Variants in SIL1 observed in about 807,000 individuals in gnomAD.
SIL1 encodes nucleotide exchange factor SIL1.
A neutral mutation model predicts 49.1 loss-of-function variants in SIL1; 40 were observed. That is an observed-to-expected ratio of 0.81 (90% CI 0.63 to 1.06). The LOEUF (loss-of-function observed/expected upper bound fraction) is 1.06. SIL1 is among the 50% of genes least tolerant of loss of function. The pLI is 0.00. For synonymous variants in SIL1, 253 were observed against 250.8 expected (o/e 1.01, Z -0.08); for missense variants, 500 against 572.6 (o/e 0.87, Z 1.29).
chr5:139,103,953 G>A (rs1770647598), intron 3 of SIL1, among the ~76,000 whole-genome samples: 1 of 152,226 alleles, frequency 6.6e-6, no homozygotes, highest in African/African-American at 2.4e-5. Flanking sequence ...CCAGAAATGG[G>A]AAGGAGAGCC....
chr5:138,968,126 G>T lies in SIL1; in HGVS notation c.768-16242C>A, dbSNP rs115526399. 1.3e-3 allele frequency among the ~76,000 whole-genome samples: 193 copies of T among 152,258 alleles called. 1 individual carries two copies. The highest frequency in any genetic ancestry group is 4.4e-3 in the African/African-American group (184 of 41,544). On this transcript the variant is annotated intron_variant, in intron 7 of 9. Coordinates refer to ENST00000394817, the MANE Select transcript of SIL1 (RefSeq NM_022464.5). Reference sequence around the variant, plus strand: ...CCTTTAATGTGTGCTTGGGCTGGAGGTGGGGCAGGTGAATGAGGAGGAAGA... The same window carrying T: ...CCTTTAATGTGTGCTTGGGCTGGAGTTGGGGCAGGTGAATGAGGAGGAAGA...
intron 7 of SIL1, among the ~76,000 whole-genome samples, chr5:138,980,244 A>T (rs1317894331): frequency 6.6e-6 from 1 of 151,718 alleles, no homozygotes; most frequent in Admixed American, 6.5e-5. Flanking sequence ...AGAACAATGA[A>T]ATAAGAAGTC....
chr5:138,960,988 T>C (rs1767008673), intron 7 of SIL1, among the ~76,000 whole-genome samples: 1 of 152,190 alleles, frequency 6.6e-6, no homozygotes, highest in Admixed American at 6.5e-5. Flanking sequence ...CATGGGTGTC[T>C]CCACTTTCAA....
chr5:139,022,917 G>A (rs1218201158), intron 6 of SIL1, among the ~76,000 whole-genome samples: 2 of 152,048 alleles, frequency 1.3e-5, no homozygotes, highest in African/African-American at 4.8e-5. Flanking sequence ...CTTCCTCTGG[G>A]TTTTCTGGAT....
intron 3 of SIL1, among the ~76,000 whole-genome samples, chr5:139,110,853 C>A (rs1378838259): frequency 6.6e-6 from 1 of 152,250 alleles, no homozygotes; most frequent in Non-Finnish European, 1.5e-5. Context: ...TGCCAGAAAC[C>A]TGGCTTCACA....
chr5:138,951,396 C>G, intron 8 of SIL1, 61 bp from the exon 9 acceptor site: 1 of 1,524,928 alleles, frequency 6.6e-7, no homozygotes, highest in African/African-American at 1.4e-5. Flanking sequence ...CCCTGAGGCC[C>G]AGGGAAGGCA....
chr5:139,045,988 A>G (rs1289334993), intron 4 of SIL1, among the ~76,000 whole-genome samples: 1 of 152,122 alleles, frequency 6.6e-6, no homozygotes, highest in Admixed American at 6.5e-5. Context: ...TCCACCTTCA[A>G]TCTCATCTCC....
Position 138,947,388 on chromosome 5 carries a change from C to T in SIL1, c.1115G>A (p.Gly372Asp), listed in dbSNP as rs727504153. 5.9e-5 allele frequency: 95 copies of T among 1,613,696 alleles called. 1 individual carries two copies. The East Asian group carries it at 1.8e-3, about 31-fold the overall frequency. ...QQYRQVHLLP[G>D]LWEQGWCEIT... ...CTCGCACCAGCCCTGTTCCCACAGG[C>T]CTGGCAGGAGGTGTACCTGGCGATA... The change falls in exon 10 of 10, where the codon GGC becomes GAC. Residue 372 changes from glycine to aspartate, a missense_variant. Gly to Asp is a moderately conservative substitution (Grantham distance 94). Transcript: ENST00000394817. The surrounding 1 kb of genome is among the most constrained non-coding windows in gnomAD (Gnocchi z 4.1).
chr5:139,056,877 G>C (rs1360670173), intron 3 of SIL1, among the ~76,000 whole-genome samples: 1 of 151,910 alleles, frequency 6.6e-6, no homozygotes, highest in Admixed American at 6.6e-5. Context: ...GAATAGAAAG[G>C]GGGGAAAGGT....
chr5:139,044,784 T>A (rs1019440190), intron 4 of SIL1, among the ~76,000 whole-genome samples: 2 of 152,144 alleles, frequency 1.3e-5, no homozygotes, highest in African/African-American at 2.4e-5. Flanking sequence ...AGCACACCAA[T>A]TCTCCTGTCA....
intron 3 of SIL1, among the ~76,000 whole-genome samples, chr5:139,085,679 T>C (rs1029703359): frequency 6.6e-6 from 1 of 152,110 alleles, no homozygotes; most frequent in African/African-American, 2.4e-5. Context: ...AGGGAAATTA[T>C]CATAAGGCTG....
intron 3 of SIL1, among the ~76,000 whole-genome samples, chr5:139,113,294 A>T (rs1402149459): frequency 1.3e-5 from 2 of 150,584 alleles, no homozygotes; most frequent in Non-Finnish European, 3.0e-5. Flanking sequence ...AATGATCAAT[A>T]AAAAATAAAA....
chr5:139,163,625 C>T (rs1421954189), intron 1 of SIL1, among the ~76,000 whole-genome samples: 1 of 152,118 alleles, frequency 6.6e-6, no homozygotes, highest in Non-Finnish European at 1.5e-5. Context: ...CCGTCTCGGC[C>T]TCCCAAAGTG....
chr5:138,973,317 T>C (rs1767323749), intron 7 of SIL1, among the ~76,000 whole-genome samples: 1 of 151,712 alleles, frequency 6.6e-6, no homozygotes, highest in African/African-American at 2.4e-5. Context: ...CAGCAACTTC[T>C]GTGTCTTATT....
intron 3 of SIL1, among the ~76,000 whole-genome samples, chr5:139,074,918 G>A (rs925898795): frequency 2.0e-5 from 3 of 151,970 alleles, no homozygotes; most frequent in South Asian, 2.1e-4. Flanking sequence ...TCCGCCTCCC[G>A]GATTCAAGCG....
intron 7 of SIL1, among the ~76,000 whole-genome samples, chr5:139,002,578 T>C (rs1003620915): frequency 6.6e-6 from 1 of 152,114 alleles, no homozygotes; most frequent in Non-Finnish European, 1.5e-5. Flanking sequence ...TAAATAAGGA[T>C]GAAAGAGAAA....
intron 5 of SIL1, among the ~76,000 whole-genome samples, chr5:139,033,420 G>A (rs983788040): frequency 2.0e-5 from 3 of 151,340 alleles, no homozygotes; most frequent in Admixed American, 6.6e-5. Flanking sequence ...CTTTGAGCTT[G>A]TTTCGATCAT....
rs1158744943 is a variant in SIL1 at position 138,947,791 on chromosome 5, A to G, written c.1030-318T>C. On this transcript the variant is annotated intron_variant, in intron 9 of 9. Coordinates refer to ENST00000394817, the MANE Select transcript of SIL1 (RefSeq NM_022464.5). The surrounding 1 kb of genome is among the most constrained non-coding windows in gnomAD (Gnocchi z 4.1). ...TAGCATAAATGTAATCTAACAGTGC[A>G]GCATGGAGGCAGACAGGCTGGCTTC... 9.9e-5 allele frequency among the ~76,000 whole-genome samples: 15 copies of G among 152,238 alleles called. No homozygotes were observed. Among genetic ancestry groups the G allele is most frequent in the Admixed American group, 9.8e-4 (15 of 15,290 alleles).
chr5:139,092,458 G>C (rs374311034), intron 3 of SIL1, among the ~76,000 whole-genome samples: 1 of 152,136 alleles, frequency 6.6e-6, no homozygotes, highest in East Asian at 1.9e-4. Context: ...GCAAAAAGAG[G>C]GGACCCTTGG....
Sources: allele counts gnomAD v4.1 joint callset (sites outside exome capture counted in the v4.1 genomes callset), GRCh38; gene constraint gnomAD v4.1.1; non-coding constraint Gnocchi (gnomAD v3.1); transcripts MANE v1.5; gene names NCBI Gene and HGNC (gene_info 2026-07-23, HGNC 2026-07-21).